The following PCDHA9 variants were observed in gnomAD, a reference collection of about 807,000 sequenced individuals.
The protein encoded by PCDHA9 is protocadherin alpha-9.
In PCDHA9, 62 loss-of-function variants were observed where a neutral mutation model predicts 62.0. The observed-to-expected ratio is 1.00, with a 90% CI of 0.81 to 1.23. The LOEUF (loss-of-function observed/expected upper bound fraction) is 1.23, where lower values mean the gene tolerates loss of function less well. Ranked by LOEUF, PCDHA9 falls within the 50% of genes most tolerant of loss-of-function variation. PCDHA9 has a pLI of 0.00. For missense variants in PCDHA9, 1,205 were observed against 1,249.8 expected (o/e 0.96, Z 0.54); for synonymous variants, 557 against 567.6 (o/e 0.98, Z 0.27).
intron 1 of PCDHA9, among the ~76,000 whole-genome samples, chr5:140,899,434 A>G (rs1583342387): frequency 6.6e-6 from 1 of 152,206 alleles, no homozygotes; most frequent in East Asian, 1.9e-4. Flanking sequence ...TCTTTTCTGC[A>G]TCTATTGAGA....
intron 1 of PCDHA9, chr5:140,866,995 A>G (rs1294829153): frequency 1.3e-5 from 2 of 152,138 alleles, no homozygotes; most frequent in Non-Finnish European, 2.9e-5. Flanking sequence ...AATGCAAAAG[A>G]TGGGTCATTG....
At chr5:140,958,484 G>A (rs246009) in intron 1 of PCDHA9, among the ~76,000 whole-genome samples, 85,541 of 151,786 alleles carry the variant, frequency 0.56, 24,705 homozygotes, top group African/African-American at 0.69. Flanking sequence ...AGAGCACTAA[G>A]TCCACATATC....
At chr5:140,941,698 T>C (rs2093148440) in intron 1 of PCDHA9, among the ~76,000 whole-genome samples, 1 of 152,186 alleles carries the variant, frequency 6.6e-6, no homozygotes, top group African/African-American at 2.4e-5. Flanking sequence ...TCTTTGGGCT[T>C]AGCTTTCCTC....
intron 3 of PCDHA9, among the ~76,000 whole-genome samples, chr5:140,996,177 C>T (rs1214472705): frequency 6.6e-6 from 1 of 152,226 alleles, no homozygotes; most frequent in Non-Finnish European, 1.5e-5. Flanking sequence ...GCTGACAGCA[C>T]CTCCATTTTA....
intron 1 of PCDHA9, chr5:140,968,899 A>G (rs782594245): frequency 6.2e-7 from 1 of 1,614,130 alleles, no homozygotes; most frequent in Non-Finnish European, 8.5e-7. Context: ...TAATAATAGC[A>G]TTAAGCACAG....
rs2041387990 is a variant in PCDHA9, at chr5:140,850,164, G to T, written c.1669G>T (p.Asp557Tyr). The change falls in exon 1 of 4, where the codon GAC becomes TAC. Residue 557 changes from aspartate (D) to tyrosine (Y), a missense_variant. Physicochemically the swap from Asp to Tyr is radical, Grantham distance 160. Around this residue, in one of 3 missense-constraint regions of PCDHA9, gnomAD observed 887 missense variants for 809.5 expected, o/e 1.10. Transcript: ENST00000532602. ...CGTGACGCTGCAGGTGTTCGTGCTGGACGAGAACGACAATGCGCCGGCGCT... is the reference window on the plus strand; with the variant it reads ...CGTGACGCTGCAGGTGTTCGTGCTGTACGAGAACGACAATGCGCCGGCGCT... ...SNVTLQVFVL[D>Y]ENDNAPALLT... 7 of 1,594,758 alleles carry T rather than the reference G, an allele frequency of 4.4e-6. 1 individual carries two copies. Among genetic ancestry groups the T allele is most frequent in the Non-Finnish European group, 6.0e-6 (7 of 1,167,800 alleles).
At chr5:140,915,535 A>G (rs1482564103) in intron 1 of PCDHA9, among the ~76,000 whole-genome samples, 1 of 152,002 alleles carries the variant, frequency 6.6e-6, no homozygotes, top group African/African-American at 2.4e-5. Context: ...ACCATCTTGG[A>G]GGTCTTGAAT....
intron 3 of PCDHA9, among the ~76,000 whole-genome samples, chr5:140,996,335 T>G (rs887353118): frequency 1.3e-5 from 2 of 152,202 alleles, no homozygotes; most frequent in African/African-American, 4.8e-5. Flanking sequence ...AAGAAAAGTT[T>G]GAAAACCCAA....
chr5:140,946,631 T>TACAC (rs374022482), intron 1 of PCDHA9, among the ~76,000 whole-genome samples: 1 of 131,846 alleles, frequency 7.6e-6, no homozygotes, highest in Non-Finnish European at 1.5e-5. Flanking sequence ...TATATATATA[T>TACAC]ACAATGGAAT....
At chr5:140,877,549 C>T in intron 1 of PCDHA9, 1 of 1,613,788 alleles carries the variant, frequency 6.2e-7, no homozygotes, top group Non-Finnish European at 8.5e-7. Flanking sequence ...CGAAGCGGCT[C>T]TGGTGGATAT....
intron 3 of PCDHA9, among the ~76,000 whole-genome samples, chr5:140,984,583 T>C (rs2097109355): frequency 6.6e-6 from 1 of 152,200 alleles, no homozygotes; most frequent in South Asian, 2.1e-4. Context: ...AACCTAATCA[T>C]ACTTTTCAAT....
At position 140,954,715 on chromosome 5, in the gene PCDHA9, G is replaced by A. The variant is rs189929573; in HGVS notation, c.2395-24234G>A. Among the ~76,000 whole-genome samples, 246 of 152,208 alleles carry A rather than the reference G, an allele frequency of 1.6e-3. 8 individuals carry two copies. Among genetic ancestry groups the A allele is most frequent in the Middle Eastern group, 3.4e-3 (1 of 294 alleles). ...GACTACAAAATTTTTCTCCCATTCT[G>A]TAGGTTGTCTTTTCACTCTGATGAT... On this transcript the variant is annotated intron_variant, in intron 1 of 3. Coordinates refer to ENST00000532602, the MANE Select transcript of PCDHA9 (RefSeq NM_031857.2).
intron 1 of PCDHA9, among the ~76,000 whole-genome samples, chr5:140,954,689 A>T (rs1392082377): frequency 2.0e-5 from 3 of 152,164 alleles, no homozygotes; most frequent in Non-Finnish European, 4.4e-5. Context: ...TCAGATGGAT[A>T]GACTACAAAA....
chr5:140,873,031 G>A (rs782124612), intron 1 of PCDHA9, among the ~76,000 whole-genome samples: 3 of 152,110 alleles, frequency 2.0e-5, no homozygotes, highest in East Asian at 1.9e-4. Context: ...CTTACTACAC[G>A]TAGAGTGGTG....
At chr5:140,947,106 C>T (rs1172898991) in intron 1 of PCDHA9, among the ~76,000 whole-genome samples, 2 of 151,140 alleles carry the variant, frequency 1.3e-5, no homozygotes, top group Non-Finnish European at 3.0e-5. Context: ...TAAATAGGTA[C>T]GTGTCAATTA....
chr5:140,869,096 C>G (rs2050848393), intron 1 of PCDHA9: 2 of 1,594,364 alleles, frequency 1.3e-6, no homozygotes, highest in African/African-American at 2.7e-5. Context: ...AAGCCAATTT[C>G]GTATGCGATG....
chr5:140,882,777 A>G (rs2059309071), intron 1 of PCDHA9: 1 of 1,614,096 alleles, frequency 6.2e-7, no homozygotes, highest in Non-Finnish European at 8.5e-7. Context: ...GCATTGACCT[A>G]CCGACTGGAT....
chr5:140,925,641 T>TATAATAATA (rs10569930), intron 1 of PCDHA9, among the ~76,000 whole-genome samples: 4,530 of 143,294 alleles, frequency 0.032, 85 homozygotes, highest in Middle Eastern at 0.043. Flanking sequence ...GAACTTAAAG[T>TATAATAATA]ATAATAATAA....
Position 140,871,086 on chromosome 5 carries a change from G to C in PCDHA9, c.2394+20197G>C, listed in dbSNP as rs556097993. The C allele has an allele frequency of 1.9e-6, 3 of 1,613,256 alleles. No individual in the cohort carries two copies. In the South Asian group the frequency reaches 3.3e-5, roughly 18 times the overall value. ...ACGGTGAGCCGGCGCTGACGGCCAC[G>C]GCCACCGTGCTGGTGTCGTTGGTGG... On this transcript the variant is annotated intron_variant, in intron 1 of 3. Coordinates refer to ENST00000532602, the MANE Select transcript of PCDHA9 (RefSeq NM_031857.2).
Sources: allele counts gnomAD v4.1 joint callset (sites outside exome capture counted in the v4.1 genomes callset), GRCh38; gene constraint gnomAD v4.1.1; regional missense constraint gnomAD v4.1.1; transcripts MANE v1.5; gene names NCBI Gene and HGNC (gene_info 2026-07-23, HGNC 2026-07-21).